The following TM9SF3 variants were observed in gnomAD, a reference collection of about 807,000 sequenced individuals.
TM9SF3 encodes transmembrane 9 superfamily member 3, also known as SM-11044-binding protein.
In TM9SF3, 14 loss-of-function variants were observed where a neutral mutation model predicts 78.6. That is an observed-to-expected ratio of 0.18 (90% confidence interval 0.12 to 0.28). The LOEUF (loss-of-function observed/expected upper bound fraction) is 0.28. TM9SF3 is among the 10% of genes least tolerant of loss of function. The pLI is 1.00. For missense variants in TM9SF3, 496 were observed against 721.9 expected (o/e 0.69, Z 3.59); for synonymous variants, 231 against 241.7 (o/e 0.96, Z 0.41).
chr10:96,532,946 T>C (rs1327226484), intron 10 of TM9SF3, 105 bp downstream of exon 10: 2 of 1,370,588 alleles, frequency 1.5e-6, no homozygotes, highest in Admixed American at 2.2e-5. Flanking sequence ...CTTAAGATTG[T>C]CATTATCATA....
intron 14 of TM9SF3, among the ~76,000 whole-genome samples, chr10:96,525,782 C>T (rs11188814): frequency 0.2 from 31,091 of 151,902 alleles, 3,539 homozygotes; most frequent in Admixed American, 0.3. Context: ...AAGTAAAACA[C>T]ATCATTCCTA....
intron 14 of TM9SF3, among the ~76,000 whole-genome samples, chr10:96,526,818 T>A (rs554193531): frequency 2.6e-5 from 4 of 152,260 alleles, no homozygotes; most frequent in African/African-American, 9.6e-5. Flanking sequence ...CACCTTAACA[T>A]GCCTACATCA....
At chr10:96,552,443 C>T (rs1462270303) in intron 6 of TM9SF3, among the ~76,000 whole-genome samples, 1 of 152,122 alleles carries the variant, frequency 6.6e-6, no homozygotes, top group Non-Finnish European at 1.5e-5. Context: ...AACAAATTTC[C>T]TAAATTTATT....
intron 5 of TM9SF3, 91 bp from the exon 6 acceptor site, chr10:96,553,150 G>GA (rs571887794): frequency 8.4e-3 from 9,101 of 1,082,034 alleles, no homozygotes; most frequent in South Asian, 0.01. Flanking sequence ...TTAATGCAAA[G>GA]AAAAAAAAAA....
chr10:96,526,289 C>T (rs1230672682), intron 14 of TM9SF3, among the ~76,000 whole-genome samples: 1 of 152,040 alleles, frequency 6.6e-6, no homozygotes, highest in Non-Finnish European at 1.5e-5. Flanking sequence ...ACAGTCCCAA[C>T]ACTACACTTG....
At chr10:96,529,144 C>CA (rs1205604522) in intron 11 of TM9SF3, among the ~76,000 whole-genome samples, 1 of 152,106 alleles carries the variant, frequency 6.6e-6, no homozygotes, top group East Asian at 1.9e-4. Context: ...AAAGCATTGT[C>CA]AGACTGGAAC....
rs567669679 is a variant in TM9SF3, at chr10:96,537,555, G to A, written c.1186-4365C>T. Among the ~76,000 whole-genome samples, 18 of 152,262 alleles carry A rather than the reference G, an allele frequency of 1.2e-4. No individual in the cohort carries two copies. The South Asian group carries it at 2.3e-3, about 19-fold the overall frequency. Reference sequence around the variant, plus strand: ...CAGAATTTGAAATTTAAAAATGGCCGGGCATGGTGGCTCATGCCTGTAATC... The same window carrying A: ...CAGAATTTGAAATTTAAAAATGGCCAGGCATGGTGGCTCATGCCTGTAATC... On this transcript the variant is annotated intron_variant, in intron 9 of 14. Transcript: ENST00000371142.
chr10:96,531,013 T>A (rs1270921178), intron 10 of TM9SF3, among the ~76,000 whole-genome samples: 1 of 152,206 alleles, frequency 6.6e-6, no homozygotes, highest in Non-Finnish European at 1.5e-5. Context: ...TTTCCCAAAT[T>A]GTGGCCTTGC....
chr10:96,580,300 C>T (rs1221614039), intron 1 of TM9SF3, among the ~76,000 whole-genome samples: 1 of 152,084 alleles, frequency 6.6e-6, no homozygotes, highest in East Asian at 1.9e-4. Context: ...GAGTCTTGCT[C>T]TGTCGCCCAG....
At chr10:96,556,912 C>A (rs1403341350) in intron 5 of TM9SF3, among the ~76,000 whole-genome samples, 1 of 152,142 alleles carries the variant, frequency 6.6e-6, no homozygotes, top group African/African-American at 2.4e-5. Context: ...CTTGACCCAT[C>A]AGCAAAAATT....
intron 12 of TM9SF3, 76 bp downstream of exon 12, chr10:96,527,955 C>T (rs1847856779): frequency 3.4e-6 from 5 of 1,461,366 alleles, no homozygotes; most frequent in Non-Finnish European, 3.7e-6. Flanking sequence ...CTTTACTCCA[C>T]TTGATAGATT....
At chr10:96,538,798 C>A (rs535436134) in intron 9 of TM9SF3, among the ~76,000 whole-genome samples, 9 of 152,192 alleles carry the variant, frequency 5.9e-5, no homozygotes, top group African/African-American at 1.9e-4. Flanking sequence ...TTAGGAAGTG[C>A]TAATTAAAAC....
At chr10:96,528,861 G>A (rs1011278207) in intron 11 of TM9SF3, among the ~76,000 whole-genome samples, 4 of 152,082 alleles carry the variant, frequency 2.6e-5, no homozygotes, top group African/African-American at 9.7e-5. Flanking sequence ...ACCCTTAATG[G>A]CCATGTTATG....
In TM9SF3 at chr10:96,522,246, C is replaced by T; in HGVS notation, c.*17G>A. The T allele has an allele frequency of 6.3e-7, 1 of 1,593,164 alleles. No individual in the cohort carries two copies. Among genetic ancestry groups the T allele is most frequent in the Middle Eastern group, 1.7e-4 (1 of 6,002 alleles). ...TGAAAAAGAAATTGATCCAAAGTTC[C>T]AGGTTTTCTTGGGTCTCTAGTCAAT... On this transcript the variant is annotated 3_prime_UTR_variant, in exon 15 of 15. Coordinates refer to ENST00000371142, the MANE Select transcript of TM9SF3 (RefSeq NM_020123.4).
At chr10:96,551,596 C>G (rs1386143324) in intron 6 of TM9SF3, among the ~76,000 whole-genome samples, 185 bp from the exon 7 acceptor site, 1 of 152,086 alleles carries the variant, frequency 6.6e-6, no homozygotes, top group African/African-American at 2.4e-5. Context: ...TGTTAAAATG[C>G]TGAGGTTCAG....
intron 9 of TM9SF3, among the ~76,000 whole-genome samples, chr10:96,540,903 G>A (rs1263400567): frequency 3.5e-5 from 5 of 144,190 alleles, no homozygotes; most frequent in Admixed American, 7.2e-5. Context: ...TCAGCCTCCC[G>A]AGTAGCTGGA....
intron 1 of TM9SF3, among the ~76,000 whole-genome samples, chr10:96,582,025 G>A (rs1848575338): frequency 6.6e-6 from 1 of 151,982 alleles, no homozygotes; most frequent in South Asian, 2.1e-4. Flanking sequence ...GTCACTAGTA[G>A]CTCCCTAATT....
At chr10:96,575,410 G>GT (rs1034747861) in intron 2 of TM9SF3, among the ~76,000 whole-genome samples, 5 of 137,706 alleles carry the variant, frequency 3.6e-5, no homozygotes, top group African/African-American at 1.3e-4. Flanking sequence ...TGCCACTGTG[G>GT]TTTAAATTTA....
intron 1 of TM9SF3, among the ~76,000 whole-genome samples, chr10:96,586,370 C>A (rs900566202): frequency 2.0e-5 from 3 of 152,156 alleles, no homozygotes; most frequent in Admixed American, 6.5e-5. Context: ...CCCTGGGGGG[C>A]AAAAGCCCCG....
Sources: allele counts gnomAD v4.1 joint callset (sites outside exome capture counted in the v4.1 genomes callset), GRCh38; gene constraint gnomAD v4.1.1; transcripts MANE v1.5; gene names NCBI Gene and HGNC (gene_info 2026-07-23, HGNC 2026-07-21).